The following ABCA13 variants were observed in gnomAD, a reference collection of about 807,000 sequenced individuals.
ABCA13 encodes ATP binding cassette subfamily A member 13, also known as ATP-binding cassette sub-family A member 13.
In ABCA13, 476 loss-of-function variants were observed where a neutral mutation model predicts 478.7. That is an observed-to-expected ratio of 0.99 (90% CI 0.92 to 1.07). ABCA13 has a LOEUF of 1.07. ABCA13 is among the 50% of genes least tolerant of loss of function. The pLI is 0.00. For synonymous variants in ABCA13, 2,252 were observed against 2,158.9 expected (o/e 1.04, Z -1.20); for missense variants, 6,060 against 5,910.6 (o/e 1.03, Z -0.83).
chr7:48,412,403 C>T lies in ABCA13; in HGVS notation c.12279C>T (p.Ser4093=), dbSNP rs1371151079. The T allele has an allele frequency of 6.2e-7, 1 of 1,613,424 alleles. No individual in the cohort carries two copies. Among genetic ancestry groups the T allele is most frequent in the African/African-American group, 1.3e-5 (1 of 74,880 alleles). Residue 4093 remains serine (S), a synonymous_variant, in exon 41 of 62, where the codon TCC becomes TCT. Transcript: ENST00000435803. ...HDLKDMACVT[S]LIKIYIPQAF... is the part of the protein sequence containing the mutation. ...TGAAAGACATGGCTTGTGTTACATC[C>T]CTGATAAAGATCTATATTCCACAAG...
intron 9 of ABCA13, 78 bp downstream of exon 9, chr7:48,239,483 G>T: frequency 6.8e-7 from 1 of 1,459,888 alleles, no homozygotes; most frequent in African/African-American, 1.4e-5. Context: ...CCCCTGCCCT[G>T]CCATGTTTAC....
At position 48,274,702 on chromosome 7, in the gene ABCA13, T is replaced by C. The variant is rs781743803; in HGVS notation, c.5036T>C (p.Val1679Ala). ...AAGAAGGCAGACATAGACCTTTTAGTGGATCAGCTTGAACAAGTTAGTGTA... is the reference window on the plus strand; with the variant it reads ...AAGAAGGCAGACATAGACCTTTTAGCGGATCAGCTTGAACAAGTTAGTGTA... Reference protein sequence around the residue: ...TLKKADIDLLVDQLEQVSVNL... With the variant: ...TLKKADIDLLADQLEQVSVNL... Residue 1679 changes from valine (V) to alanine (A), a missense_variant, in exon 17 of 62, where the codon GTG becomes GCG. Physicochemically the swap from Val to Ala is moderately conservative, Grantham distance 64. Around this residue, in one of 3 missense-constraint regions of ABCA13, gnomAD observed 4,423 missense variants for 4,309.1 expected, o/e 1.03. Coordinates refer to ENST00000435803, the MANE Select transcript of ABCA13 (RefSeq NM_152701.5). The C allele has an allele frequency of 6.2e-6, 10 of 1,613,994 alleles. No individual in the cohort carries two copies. The South Asian group carries it at 1.1e-4, about 18-fold the overall frequency.
chr7:48,635,685 C>G (rs1794576625), intron 59 of ABCA13, among the ~76,000 whole-genome samples: 1 of 152,148 alleles, frequency 6.6e-6, no homozygotes, highest in Non-Finnish European at 1.5e-5. Flanking sequence ...AGCTCACTTA[C>G]AGAGAGCTAA....
intron 55 of ABCA13, among the ~76,000 whole-genome samples, chr7:48,545,165 G>A (rs1784709671): frequency 6.6e-6 from 1 of 151,876 alleles, no homozygotes; most frequent in African/African-American, 2.4e-5. Context: ...TGGTGCAAGA[G>A]CTATGACTGC....
intron 26 of ABCA13, among the ~76,000 whole-genome samples, chr7:48,314,767 G>A (rs577616364): frequency 1.3e-4 from 20 of 152,290 alleles, no homozygotes; most frequent in Admixed American, 5.2e-4. Context: ...TTATAATAAC[G>A]AAGAGAACTT....
intron 55 of ABCA13, among the ~76,000 whole-genome samples, chr7:48,552,544 C>T (rs1258829660): frequency 3.4e-5 from 5 of 148,718 alleles, no homozygotes; most frequent in African/African-American, 4.9e-5. Flanking sequence ...CAAGGTTTTA[C>T]TTTGTACTTC....
At position 48,455,206 on chromosome 7, in the gene ABCA13, G is replaced by C. The variant is rs1429539585; in HGVS notation, c.12735G>C (p.Met4245Ile). The change falls in exon 43 of 62, where the codon ATG becomes ATC. Residue 4245 changes from methionine to isoleucine, a missense_variant. Met to Ile is a conservative substitution (Grantham distance 10). Coordinates refer to ENST00000435803, the MANE Select transcript of ABCA13 (RefSeq NM_152701.5). ...TGGCCTTGGCCATGGGCTTGTTCAT[G>C]GTGAGACCCCTGGCCACCGAGTACC... The part of the protein sequence containing the change: ...LFVALAMGLF[M>I]VRPLATEYPP... The C allele has an allele frequency of 1.3e-6, 2 of 1,596,532 alleles. No homozygotes were observed. The highest frequency in any genetic ancestry group is 2.7e-5 in the African/African-American group (2 of 74,402).
Position 48,276,197 on chromosome 7 carries a change from A to G in ABCA13, c.6531A>G (p.Arg2177=). 6.3e-7 allele frequency: 1 copy of G among 1,590,796 alleles called. No homozygotes were observed. Among genetic ancestry groups the G allele is most frequent in the Non-Finnish European group, 8.6e-7 (1 of 1,168,060 alleles). Residue 2177 remains arginine, a synonymous_variant, in exon 17 of 62, where the codon AGA becomes AGG. Coordinates refer to ENST00000435803, the MANE Select transcript of ABCA13 (RefSeq NM_152701.5). ...GGGGCTCTTTAAAAAATATATCTAG[A>G]GCAGGCAATTTTGATGTTGCCTTTC... ...TFWGSLKNIS[R]AGNFDVAFLT...
chr7:48,249,620 G>C (rs890407436), intron 15 of ABCA13, among the ~76,000 whole-genome samples: 1 of 152,132 alleles, frequency 6.6e-6, no homozygotes, highest in Non-Finnish European at 1.5e-5. Context: ...CCTGGTTTGG[G>C]TGATAAATAC....
chr7:48,504,416 C>T (rs1003838206), intron 48 of ABCA13, among the ~76,000 whole-genome samples: 2 of 152,002 alleles, frequency 1.3e-5, no homozygotes, highest in African/African-American at 2.4e-5. Flanking sequence ...ATGGAGTTCA[C>T]GTGAAAGTAA....
At chr7:48,376,073 C>T (rs1459164580) in intron 34 of ABCA13, among the ~76,000 whole-genome samples, 1 of 152,110 alleles carries the variant, frequency 6.6e-6, no homozygotes, top group Non-Finnish European at 1.5e-5. Flanking sequence ...CAGAGAGTTA[C>T]ACAGTTTAGA....
intron 3 of ABCA13, among the ~76,000 whole-genome samples, chr7:48,209,173 T>A (rs948297164): frequency 6.6e-6 from 1 of 152,048 alleles, no homozygotes; most frequent in Non-Finnish European, 1.5e-5. Context: ...TCATAATAAA[T>A]GTAATATTAA....
At position 48,317,253 on chromosome 7, in the gene ABCA13, T is replaced by A. The variant is rs191000417; in HGVS notation, c.9956T>A (p.Leu3319Gln). 4.6e-5 allele frequency: 75 copies of A among 1,613,674 alleles called. No individual in the cohort carries two copies. The highest frequency in any genetic ancestry group is 3.3e-5 in the Admixed American group (2 of 60,018). ...AAACCCATATTGCATGGAAAAATAC[T>A]ATACACACCAAACACTCCAGAAATT... is the stretch of plus-strand genomic sequence containing the variant. ...FLKPILHGKILYTPNTPEINK... is the reference protein window; with the variant it reads ...FLKPILHGKIQYTPNTPEINK... Residue 3319 changes from leucine to glutamine, a missense_variant, in exon 27 of 62, where the codon CTA (leucine) becomes CAA (glutamine). By Grantham distance (113) the Leu-to-Gln change is moderately radical. Around this residue, in one of 3 missense-constraint regions of ABCA13, gnomAD observed 4,423 missense variants for 4,309.1 expected, o/e 1.03. Transcript: ENST00000435803.
rs536033024 is a variant in ABCA13 at position 48,602,435 on chromosome 7, T to G, written c.14744+7622T>G. Among the ~76,000 whole-genome samples the G allele has an allele frequency of 5.3e-5, 8 of 152,348 alleles. No homozygotes were observed. In the East Asian group the frequency reaches 1.3e-3, roughly 26 times the overall value. ...AGGAAGTGATCCAGTTTCAGCTTTC[T>G]GCATATAGCTACCCAGTTTTCCCGA... On this transcript the variant is annotated intron_variant, in intron 58 of 61. Transcript: ENST00000435803.
intron 59 of ABCA13, among the ~76,000 whole-genome samples, chr7:48,620,668 A>T (rs1377212289): frequency 4.6e-5 from 7 of 152,218 alleles, no homozygotes; most frequent in African/African-American, 1.7e-4. Flanking sequence ...AAACCTAGTT[A>T]CAATAATAGT....
chr7:48,625,428 A>G (rs10216298), intron 59 of ABCA13, among the ~76,000 whole-genome samples: 18,853 of 152,202 alleles, frequency 0.12, 1,275 homozygotes, highest in East Asian at 0.24. Flanking sequence ...ACTGAGTTAT[A>G]TTTTTCTATA....
intron 42 of ABCA13, 112 bp from the exon 43 acceptor site, chr7:48,454,925 C>T (rs1825479101): frequency 7.2e-7 from 1 of 1,381,792 alleles, no homozygotes; most frequent in Non-Finnish European, 9.5e-7. Flanking sequence ...GGGCCTGCGT[C>T]GCATTCCCAT....
At chr7:48,322,460 C>T (rs527369709) in intron 27 of ABCA13, among the ~76,000 whole-genome samples, 1 of 152,324 alleles carries the variant, frequency 6.6e-6, no homozygotes, top group African/African-American at 2.4e-5. Context: ...GGTCCTTCCT[C>T]CTTTCAGGCT....
rs1303854272 is a variant in ABCA13 at position 48,229,909 on chromosome 7, C to A, written c.717C>A (p.Thr239=). The A allele has an allele frequency of 6.2e-7, 1 of 1,613,978 alleles. No homozygotes were observed. Among genetic ancestry groups the A allele is most frequent in the Non-Finnish European group, 8.5e-7 (1 of 1,179,874 alleles). ...SQVSELVLNV[T]ISTLTFLQQH... ...TTTCTGAACTTGTACTGAATGTGAC[C>A]ATTTCGACACTGACATTTCTGCAGC... is the stretch of plus-strand genomic sequence containing the variant. Residue 239 remains threonine, a synonymous_variant, in exon 7 of 62, where the codon ACC becomes ACA. Transcript: ENST00000435803.
Sources: allele counts gnomAD v4.1 joint callset (sites outside exome capture counted in the v4.1 genomes callset), GRCh38; gene constraint gnomAD v4.1.1; regional missense constraint gnomAD v4.1.1; transcripts MANE v1.5; gene names NCBI Gene and HGNC (gene_info 2026-07-23, HGNC 2026-07-21).